PDE6B: variants seen among roughly 807,000 people sequenced by gnomAD.
PDE6B encodes phosphodiesterase 6B.
PDE6B carries 106 observed loss-of-function variants against 109.0 expected under a neutral mutation model. The ratio of observed to expected loss-of-function variants is 0.97; its 90% CI spans 0.83 to 1.14. The LOEUF is 1.14. Ranked by LOEUF, PDE6B falls within the 50% of genes most tolerant of loss-of-function variation. The probability of loss-of-function intolerance (pLI) is 0.00; values close to 1 mark genes in which losing one functional copy is unlikely to be tolerated. For synonymous variants in PDE6B, 490 were observed against 471.3 expected, an observed-to-expected ratio of 1.04 and a Z score of -0.51; for missense variants, 1,193 against 1,155.6, an observed-to-expected ratio of 1.03 and a Z score of -0.47.
chr4:668,080 A>T (rs1041232179), intron 21 of PDE6B, 74 bp downstream of exon 21: 5 of 1,424,008 alleles, frequency 3.5e-6, no homozygotes, highest in Non-Finnish European at 4.9e-6. Flanking sequence ...CAGGGCACAG[A>T]GCAGAGTTAA....
Position 654,899 on chromosome 4 carries a change from G to C in PDE6B, c.992+11G>C. On this transcript the variant is annotated intron_variant, in intron 6 of 21. Coordinates refer to ENST00000496514, the MANE Select transcript of PDE6B (RefSeq NM_000283.4). ...GATCAAGGTCATTCCGTAAGTGCAG[G>C]ATTTTACCAGAAGCGTCCCCGGGGG... 6.9e-7 allele frequency: 1 copy of C among 1,452,094 alleles called. No homozygotes were observed. Among genetic ancestry groups the C allele is most frequent in the Non-Finnish European group, 9.7e-7 (1 of 1,032,318 alleles). The allele number at this position is 1,452,094 out of a possible 1,614,324, so 90.0% of individuals were successfully genotyped here.
At chr4:650,773 A>G (rs1347307484) in intron 3 of PDE6B, among the ~76,000 whole-genome samples, 3 of 152,136 alleles carry the variant, frequency 2.0e-5, no homozygotes, top group Admixed American at 2.0e-4. Context: ...GGAGGTTGGA[A>G]GAGCCATTCC....
In PDE6B at chr4:657,035, G is replaced by A. The variant is rs781104438; in HGVS notation, c.1257+12G>A. On this transcript the variant is annotated intron_variant, in intron 9 of 21. Transcript: ENST00000496514. The stretch of plus-strand genomic sequence containing the variant: ...AGGTTCTCATGGAGGTAAGCACCTG[G>A]GCAGACGTGGTTCCGCCGGGGATGC... 1 of 1,612,606 alleles carries A rather than the reference G, an allele frequency of 6.2e-7. No homozygotes were observed. Among genetic ancestry groups the A allele is most frequent in the South Asian group, 1.1e-5 (1 of 91,078 alleles).
At chr4:660,992 GGTGGGTGGGCCA>G (rs1737027318) in intron 12 of PDE6B, among the ~76,000 whole-genome samples, 2 of 149,738 alleles carry the variant, frequency 1.3e-5, no homozygotes, top group Admixed American at 6.6e-5. Flanking sequence ...TAAATGGATG[GGTGGGTGGGCCA>G]ATGGTAGTTG....
intron 11 of PDE6B, among the ~76,000 whole-genome samples, chr4:660,145 C>T (rs1280882668): frequency 1.3e-5 from 2 of 152,048 alleles, no homozygotes; most frequent in African/African-American, 4.8e-5. Context: ...GCCTGTGTCA[C>T]GTGTGTCTGT....
At chr4:658,841 G>T (rs1423459775) in intron 10 of PDE6B, 111 bp from the exon 11 acceptor site, 2 of 797,292 alleles carry the variant, frequency 2.5e-6, no homozygotes, top group African/African-American at 1.7e-5. Flanking sequence ...CAGGGTGAAA[G>T]CACAAGCTCT....
At position 663,642 on chromosome 4, in the gene PDE6B, C is replaced by T. The variant is rs970678794; in HGVS notation, c.1921-128C>T. On this transcript the variant is annotated intron_variant, in intron 15 of 21. Coordinates refer to ENST00000496514, the MANE Select transcript of PDE6B (RefSeq NM_000283.4). This position sits in a 1 kb window ranked among gnomAD's most constrained non-coding sequence, Gnocchi z 4.0. ...CCTGAGCAGCAGGCGGATTAGGGGT[C>T]CCGCCCACCGAGGGCCCGAGGGCGG... 4.1e-5 allele frequency: 30 copies of T among 726,454 alleles called. No individual in the cohort carries two copies. The highest frequency in any genetic ancestry group is 6.0e-5 in the South Asian group (4 of 66,726). 45.0% of individuals were successfully genotyped at this position (726,454 alleles called of 1,614,324 possible).
intron 7 of PDE6B, 73 bp from the exon 8 acceptor site, chr4:656,172 C>A: frequency 1.7e-6 from 2 of 1,153,994 alleles, no homozygotes; most frequent in Non-Finnish European, 2.6e-6. Flanking sequence ...ACCTCAGGGC[C>A]ACAGAGGCCA....
rs1434538153 is a variant in PDE6B, at chr4:663,295, C to T, written c.1920+108C>T. 1 of 754,884 alleles carries T rather than the reference C, an allele frequency of 1.3e-6. No individual in the cohort carries two copies. Among genetic ancestry groups the T allele is most frequent in the African/African-American group, 1.7e-5 (1 of 58,092 alleles). The allele number at this position is 754,884 out of a possible 1,614,324, so 46.8% of individuals were successfully genotyped here. A position where few individuals can be genotyped will look rare whatever the true frequency, so the allele number is the denominator to read the frequency against. ...AGGGTTCTGATGCAGCGGGTGAGCACTGGGTGTGTGAGCACTGGGGGAGGG... is the reference window on the plus strand; with the variant it reads ...AGGGTTCTGATGCAGCGGGTGAGCATTGGGTGTGTGAGCACTGGGGGAGGG... On this transcript the variant is annotated intron_variant, in intron 15 of 21. Coordinates refer to ENST00000496514, the MANE Select transcript of PDE6B (RefSeq NM_000283.4). The surrounding 1 kb of genome is among the most constrained non-coding windows in gnomAD (Gnocchi z 4.0).
At chr4:660,983 A>AG (rs1737019137) in intron 12 of PDE6B, among the ~76,000 whole-genome samples, 1 of 80,076 alleles carries the variant, frequency 1.2e-5, no homozygotes, top group Non-Finnish European at 2.5e-5. Context: ...ATAGTTGGAT[A>AG]AATGGATGGG....
At chr4:649,087 G>C (rs912725498) in intron 3 of PDE6B, among the ~76,000 whole-genome samples, 2 of 152,212 alleles carry the variant, frequency 1.3e-5, no homozygotes, top group Non-Finnish European at 2.9e-5. Flanking sequence ...GGAGCTGTGG[G>C]GAGATCCACG....
Position 664,895 on chromosome 4 carries a change from C to T in PDE6B, c.2144C>T (p.Thr715Ile), listed in dbSNP as rs1272499752. 1.2e-6 allele frequency: 2 copies of T among 1,613,280 alleles called. No individual in the cohort carries two copies. The highest frequency in any genetic ancestry group is 1.7e-6 in the Non-Finnish European group (2 of 1,179,904). ...TGTGTCTGCAGGGCCATGATGATGACAGCCTGCGACCTGTCTGCCATCACC... is the reference window on the plus strand; with the variant it reads ...TGTGTCTGCAGGGCCATGATGATGATAGCCTGCGACCTGTCTGCCATCACC... ...RKEIVMAMMMTACDLSAITKP... is the reference protein window; with the variant it reads ...RKEIVMAMMMIACDLSAITKP... Residue 715 changes from threonine (T) to isoleucine (I), a missense_variant, in exon 18 of 22, where the codon ACA becomes ATA. Coordinates refer to ENST00000496514, the MANE Select transcript of PDE6B (RefSeq NM_000283.4).
intron 3 of PDE6B, among the ~76,000 whole-genome samples, chr4:640,680 G>A (rs748713878): frequency 3.9e-5 from 6 of 152,006 alleles, no homozygotes; most frequent in South Asian, 2.1e-4. Flanking sequence ...TGTATTTTAC[G>A]TTAGATGTGT....
At chr4:658,825 C>A in intron 10 of PDE6B, 127 bp from the exon 11 acceptor site, 1 of 732,068 alleles carries the variant, frequency 1.4e-6, no homozygotes, top group Non-Finnish European at 2.4e-6. Flanking sequence ...GCCGCCAGGG[C>A]CTTCCCAGGG....
intron 3 of PDE6B, among the ~76,000 whole-genome samples, chr4:638,974 G>C (rs1398312431): frequency 6.6e-6 from 1 of 152,176 alleles, no homozygotes; most frequent in African/African-American, 2.4e-5. Context: ...CCAACCCTCT[G>C]TTCCCTCCAG....
chr4:657,939 T>C (rs552694017), intron 10 of PDE6B, among the ~76,000 whole-genome samples: 20 of 96,202 alleles, frequency 2.1e-4, no homozygotes, highest in African/African-American at 7.3e-4. Flanking sequence ...CAGGGGTCCA[T>C]TGAGGGGTCA....
chr4:628,894 T>C (rs941420076), intron 1 of PDE6B, among the ~76,000 whole-genome samples: 9 of 152,174 alleles, frequency 5.9e-5, no homozygotes. Context: ...GGCAGCCCCT[T>C]GGGGAGACAC....
chr4:634,838 G>C lies in PDE6B; in HGVS notation c.621+9G>C. The C allele has an allele frequency of 6.2e-7, 1 of 1,612,758 alleles. No individual in the cohort carries two copies. The highest frequency in any genetic ancestry group is 1.1e-5 in the South Asian group (1 of 91,054). ...CCAGCGAAGACGAAGATGTGAGTGT[G>C]GGGGGCACCTGGGCAGCCGCGCGTC... On this transcript the variant is annotated intron_variant, in intron 2 of 21. Transcript: ENST00000496514.
At chr4:650,742 G>A (rs1045601850) in intron 3 of PDE6B, among the ~76,000 whole-genome samples, 13 of 152,146 alleles carry the variant, frequency 8.5e-5, no homozygotes, top group Admixed American at 2.6e-4. Flanking sequence ...CGTAGATGCC[G>A]TTTCAGAGCA....
Sources: allele counts gnomAD v4.1 joint callset (sites outside exome capture counted in the v4.1 genomes callset), GRCh38; gene constraint gnomAD v4.1.1; non-coding constraint Gnocchi (gnomAD v3.1); transcripts MANE v1.5; gene names NCBI Gene and HGNC (gene_info 2026-07-23, HGNC 2026-07-21).